The following GULP1 variants were observed in gnomAD, a reference collection of about 807,000 sequenced individuals.
The protein encoded by GULP1 is PTB domain-containing engulfment adapter protein 1.
Under a neutral mutation model 40.9 loss-of-function variants are expected in GULP1, and 19 were observed. The observed-to-expected ratio is 0.46, with a 90% CI of 0.32 to 0.68. The LOEUF (loss-of-function observed/expected upper bound fraction) is 0.68. GULP1 is among the 30% of genes least tolerant of loss of function. The pLI is 0.03. For missense variants in GULP1, 312 were observed against 362.2 expected (o/e 0.86, Z 1.12); for synonymous variants, 119 against 117.6 (o/e 1.01, Z -0.08).
chr2:188,309,794 T>C (rs1276207185), intron 1 of GULP1, among the ~76,000 whole-genome samples: 1 of 152,240 alleles, frequency 6.6e-6, no homozygotes, highest in Non-Finnish European at 1.5e-5. Context: ...GGATGAAGGC[T>C]GCTGGGGTTC....
chr2:188,296,171 G>A (rs1231527086), intron 1 of GULP1, among the ~76,000 whole-genome samples: 1 of 152,024 alleles, frequency 6.6e-6, no homozygotes, highest in African/African-American at 2.4e-5. Context: ...GGAAACTTAA[G>A]CTTTTTCCCA....
At chr2:188,490,079 T>C (rs1030284358) in intron 4 of GULP1, among the ~76,000 whole-genome samples, 4 of 152,144 alleles carry the variant, frequency 2.6e-5, no homozygotes, top group Non-Finnish European at 2.9e-5. Flanking sequence ...TTAGTACTCA[T>C]TACATTTCAG....
intron 2 of GULP1, among the ~76,000 whole-genome samples, chr2:188,398,862 G>A (rs1368359247): frequency 1.3e-5 from 2 of 152,168 alleles, no homozygotes; most frequent in African/African-American, 4.8e-5. Context: ...TAAAGATTGA[G>A]CTAAAGGAGG....
chr2:188,487,615 C>T (rs1379556509), intron 4 of GULP1, among the ~76,000 whole-genome samples: 1 of 100,996 alleles, frequency 9.9e-6, no homozygotes, highest in Non-Finnish European at 2.0e-5. Flanking sequence ...TATGGAACAT[C>T]TTAAAATCAA....
chr2:188,294,452 G>A (rs2105858430), intron 1 of GULP1: 1 of 152,204 alleles, frequency 6.6e-6, no homozygotes, highest in East Asian at 1.9e-4. Flanking sequence ...TTCCAAACCA[G>A]CTAGGAACTC....
intron 2 of GULP1, among the ~76,000 whole-genome samples, chr2:188,471,093 T>C (rs2060551163): frequency 6.6e-6 from 1 of 152,160 alleles, no homozygotes; most frequent in African/African-American, 2.4e-5. Context: ...GACCACTTCA[T>C]TATTATATAG....
chr2:188,590,348 A>C (rs1357103516), intron 11 of GULP1: 1 of 152,178 alleles, frequency 6.6e-6, no homozygotes, highest in South Asian at 2.1e-4. Flanking sequence ...TTCTTCATCT[A>C]AAGTCTATGA....
intron 7 of GULP1, among the ~76,000 whole-genome samples, chr2:188,551,230 A>G (rs1377943002): frequency 2.0e-5 from 3 of 151,608 alleles, no homozygotes; most frequent in Non-Finnish European, 4.4e-5. Flanking sequence ...TATATTAACT[A>G]TAGTCACCTT....
At chr2:188,546,679 C>T (rs1409873705) in intron 7 of GULP1, among the ~76,000 whole-genome samples, 1 of 151,844 alleles carries the variant, frequency 6.6e-6, no homozygotes, top group East Asian at 1.9e-4. Flanking sequence ...TCAAAATAAA[C>T]CTCAAAGTAA....
intron 1 of GULP1, chr2:188,294,274 C>T (rs958981513): frequency 6.6e-6 from 1 of 152,270 alleles, no homozygotes; most frequent in South Asian, 2.1e-4. Flanking sequence ...TACGTATTCT[C>T]AGCTAGCATG....
chr2:188,380,868 C>T (rs1227173600), intron 1 of GULP1, among the ~76,000 whole-genome samples: 1 of 152,046 alleles, frequency 6.6e-6, no homozygotes, highest in Non-Finnish European at 1.5e-5. Flanking sequence ...CAAATTGAAG[C>T]ATTTTGTCAT....
chr2:188,350,319 C>T (rs1351778532), intron 1 of GULP1, among the ~76,000 whole-genome samples: 1 of 152,084 alleles, frequency 6.6e-6, no homozygotes, highest in Non-Finnish European at 1.5e-5. Flanking sequence ...ATTAAGTCTA[C>T]AGTGTATAAG....
rs563924897 is a variant in GULP1, at chr2:188,296,499, T to G, written c.-172+4333T>G. Among the ~76,000 whole-genome samples the G allele has an allele frequency of 1.5e-3, 221 of 152,226 alleles. 1 individual carries two copies. The highest frequency in any genetic ancestry group is 2.0e-3 in the Non-Finnish European group (138 of 67,966). On this transcript the variant is annotated intron_variant, in intron 1 of 11. Transcript: ENST00000409830. ...CAAATATTGTGTGGGATAGTAAGTG[T>G]CAATTTTCTGTTTACATTGAAATGG...
chr2:188,434,941 G>C (rs7595327), intron 2 of GULP1, among the ~76,000 whole-genome samples: 1 of 151,590 alleles, frequency 6.6e-6, no homozygotes, highest in Non-Finnish European at 1.5e-5. Flanking sequence ...ACAATGTTTT[G>C]TTCATTTTTA....
intron 7 of GULP1, among the ~76,000 whole-genome samples, chr2:188,562,988 C>G (rs1015825018): frequency 5.3e-5 from 8 of 151,838 alleles, no homozygotes; most frequent in Non-Finnish European, 2.9e-5. Context: ...AACTGAAGAA[C>G]AGTAAAATAC....
intron 2 of GULP1, among the ~76,000 whole-genome samples, chr2:188,470,418 C>T (rs531202354): frequency 1.1e-4 from 16 of 151,978 alleles, no homozygotes; most frequent in South Asian, 8.3e-4. Flanking sequence ...TTTATGTGTC[C>T]GATTTGATTT....
At chr2:188,352,618 T>TCACACACACACA (rs66499080) in intron 1 of GULP1, among the ~76,000 whole-genome samples, 37,121 of 134,222 alleles carry the variant, frequency 0.28, 5,555 homozygotes, top group East Asian at 0.4. Context: ...TCTCTCTCTC[T>TCACACACACACA]CACACACACA....
At chr2:188,337,692 G>A (rs184873443) in intron 1 of GULP1, among the ~76,000 whole-genome samples, 25 of 151,922 alleles carry the variant, frequency 1.6e-4, no homozygotes, top group Admixed American at 1.5e-3. Context: ...GATGGTAGTC[G>A]TGCTGAGCTC....
chr2:188,301,990 A>C (rs1046111446), intron 1 of GULP1, among the ~76,000 whole-genome samples: 1 of 152,286 alleles, frequency 6.6e-6, no homozygotes, highest in Non-Finnish European at 1.5e-5. Flanking sequence ...TTCTTTTTCA[A>C]ACCAACTTGA....
Sources: gnomAD v4.1 joint callset for allele counts (sites outside exome capture counted in the v4.1 genomes callset) on GRCh38, gnomAD v4.1.1 for gene constraint, MANE v1.5 for transcripts, NCBI Gene and HGNC (gene_info 2026-07-23, HGNC 2026-07-21) for gene names.